The following FGF12 variants were observed in gnomAD, a reference collection of about 807,000 sequenced individuals.
FGF12 encodes the protein fibroblast growth factor 12.
FGF12 carries 14 observed loss-of-function variants against 23.6 expected under a neutral mutation model. The ratio of observed to expected loss-of-function variants is 0.59; its 90% CI spans 0.39 to 0.93. The LOEUF is 0.93. Ranked by LOEUF, FGF12 falls within the 40% of genes least tolerant of loss-of-function variation. FGF12 has a pLI of 0.00. For synonymous variants in FGF12, 62 were observed against 77.3 expected (o/e 0.80, Z 1.04); for missense variants, 175 against 217.8 (o/e 0.80, Z 1.24).
Position 192,247,032 on chromosome 3 carries a change from A to G in FGF12, c.229-76376T>C, listed in dbSNP as rs867100531. On this transcript the variant is annotated intron_variant, in intron 4 of 5. Coordinates refer to ENST00000445105, the MANE Select transcript of FGF12 (RefSeq NM_004113.6). Reference sequence around the variant, plus strand: ...AGAAGGAAGGGAGGGAGGGAAGGAAAGAAGGAAGGAAGGAAGGAAGGAAGG... The same window carrying G: ...AGAAGGAAGGGAGGGAGGGAAGGAAGGAAGGAAGGAAGGAAGGAAGGAAGG... 1.2e-4 allele frequency among the ~76,000 whole-genome samples: 10 copies of G among 86,390 alleles called. 1 individual carries two copies. Among genetic ancestry groups the G allele is most frequent in the African/African-American group, 3.7e-4 (8 of 21,910 alleles). The allele number at this position is 86,390 out of a possible 152,430, so 56.7% of individuals were successfully genotyped here. A position where few individuals can be genotyped will look rare whatever the true frequency, so the allele number is the denominator to read the frequency against.
chr3:192,593,187 C>T (rs113275497), intron 2 of FGF12, among the ~76,000 whole-genome samples: 19 of 151,872 alleles, frequency 1.3e-4, no homozygotes, highest in African/African-American at 4.6e-4. Flanking sequence ...ATATTATCTG[C>T]CCTTCCTGCC....
chr3:192,672,002 T>C (rs1013538977), intron 2 of FGF12, among the ~76,000 whole-genome samples: 39 of 152,340 alleles, frequency 2.6e-4, no homozygotes, highest in African/African-American at 8.4e-4. Flanking sequence ...ATGAAGAAAC[T>C]GAGACCCAAA....
intron 2 of FGF12, among the ~76,000 whole-genome samples, chr3:192,479,457 A>G (rs963677311): frequency 5.3e-5 from 8 of 152,208 alleles, no homozygotes; most frequent in African/African-American, 1.9e-4. Flanking sequence ...CAGATGTCCA[A>G]CTAAAAACAC....
chr3:192,269,839 C>A (rs1713315407), intron 4 of FGF12, among the ~76,000 whole-genome samples: 1 of 152,090 alleles, frequency 6.6e-6, no homozygotes, highest in Non-Finnish European at 1.5e-5. Flanking sequence ...AGACATACAG[C>A]TCTTTTTTTT....
intron 2 of FGF12, among the ~76,000 whole-genome samples, chr3:192,541,184 T>C (rs1286615712): frequency 1.3e-5 from 2 of 152,148 alleles, no homozygotes; most frequent in African/African-American, 2.4e-5. Flanking sequence ...TTTCTGGTTG[T>C]TTGTGGTCTT....
At chr3:192,189,979 T>C (rs936873147) in intron 4 of FGF12, among the ~76,000 whole-genome samples, 2 of 152,060 alleles carry the variant, frequency 1.3e-5, no homozygotes, top group African/African-American at 4.8e-5. Flanking sequence ...ATGTGAAACA[T>C]AGAAGGTCAA....
intron 2 of FGF12, among the ~76,000 whole-genome samples, chr3:192,372,689 C>A (rs1435978366): frequency 6.6e-6 from 1 of 152,164 alleles, no homozygotes; most frequent in Admixed American, 6.5e-5. Flanking sequence ...AGCCTCCTCA[C>A]TAACACTCTT....
intron 2 of FGF12, among the ~76,000 whole-genome samples, chr3:192,565,857 C>T (rs1225292672): frequency 6.6e-6 from 1 of 152,194 alleles, no homozygotes; most frequent in Non-Finnish European, 1.5e-5. Flanking sequence ...GAGGCTGAGG[C>T]AGGCAGATCA....
At chr3:192,565,943 G>A (rs757396303) in intron 2 of FGF12, among the ~76,000 whole-genome samples, 7 of 152,140 alleles carry the variant, frequency 4.6e-5, no homozygotes, top group East Asian at 1.9e-4. Flanking sequence ...AAAATTAGCC[G>A]AGCATGGTAG....
At chr3:192,300,546 G>T (rs1715283385) in intron 4 of FGF12, among the ~76,000 whole-genome samples, 1 of 151,812 alleles carries the variant, frequency 6.6e-6, no homozygotes, top group Non-Finnish European at 1.5e-5. Flanking sequence ...GTCTTTCTTG[G>T]GGGCGGTCAT....
intron 4 of FGF12, among the ~76,000 whole-genome samples, chr3:192,252,719 G>T (rs994074637): frequency 6.6e-6 from 1 of 151,560 alleles, no homozygotes; most frequent in Non-Finnish European, 1.5e-5. Context: ...TGTCAGCTAT[G>T]GTAGAAAAGA....
intron 4 of FGF12, among the ~76,000 whole-genome samples, chr3:192,320,608 T>G (rs1716485176): frequency 6.6e-6 from 1 of 152,142 alleles, no homozygotes; most frequent in South Asian, 2.1e-4. Context: ...GTATCAAGTA[T>G]CTTCTCTGAC....
At chr3:192,477,623 T>A (rs1723363864) in intron 2 of FGF12, among the ~76,000 whole-genome samples, 1 of 152,122 alleles carries the variant, frequency 6.6e-6, no homozygotes, top group African/African-American at 2.4e-5. Context: ...TAGCAGCTAT[T>A]GAAATGGAGA....
chr3:192,362,487 G>A (rs571984409), intron 2 of FGF12, among the ~76,000 whole-genome samples: 1 of 151,978 alleles, frequency 6.6e-6, no homozygotes, highest in East Asian at 1.9e-4. Context: ...AACACGCAGT[G>A]TTTGGTTTTC....
At chr3:192,259,503 G>C (rs377506936) in intron 4 of FGF12, among the ~76,000 whole-genome samples, 15 of 152,258 alleles carry the variant, frequency 9.9e-5, no homozygotes, top group East Asian at 5.8e-4. Context: ...AACAAGGAAA[G>C]TCTAAGTGTA....
At chr3:192,442,942 G>A (rs1198301659) in intron 2 of FGF12, among the ~76,000 whole-genome samples, 1 of 151,822 alleles carries the variant, frequency 6.6e-6, no homozygotes, top group Admixed American at 6.6e-5. Context: ...CTAGTAGCTG[G>A]GATTACAGGT....
chr3:192,365,510 C>A (rs1035412211), intron 2 of FGF12, among the ~76,000 whole-genome samples: 5 of 151,910 alleles, frequency 3.3e-5, no homozygotes, highest in African/African-American at 1.2e-4. Context: ...TAAGCTGTTA[C>A]TATGGGAAAT....
At chr3:192,484,315 T>TAAAAAAAAAAAAAAAAAAAAAAAAAAAAA (rs57914760) in intron 2 of FGF12, among the ~76,000 whole-genome samples, 4 of 99,668 alleles carry the variant, frequency 4.0e-5, no homozygotes, top group South Asian at 3.2e-4. Flanking sequence ...TCCATTTTCC[T>TAAAAAAAAAAAAAAAAAAAAAAAAAAAAA]AAAAAAAAAA....
chr3:192,431,665 C>A (rs1040325650), intron 2 of FGF12, among the ~76,000 whole-genome samples: 1 of 152,142 alleles, frequency 6.6e-6, no homozygotes, highest in South Asian at 2.1e-4. Flanking sequence ...AAGTACCAAG[C>A]GTTTCTCCAA....
Sources: gnomAD v4.1 joint callset for allele counts (sites outside exome capture counted in the v4.1 genomes callset) on GRCh38, gnomAD v4.1.1 for gene constraint, MANE v1.5 for transcripts, NCBI Gene and HGNC (gene_info 2026-07-23, HGNC 2026-07-21) for gene names.